SPAG17: variants seen among roughly 807,000 people sequenced by gnomAD.
SPAG17 encodes the protein sperm-associated antigen 17.
In SPAG17, 169 loss-of-function variants were observed where a neutral mutation model predicts 273.6. That is an observed-to-expected ratio of 0.62 (90% confidence interval 0.55 to 0.70). The LOEUF (loss-of-function observed/expected upper bound fraction) is 0.70, where lower values mean the gene tolerates loss of function less well. SPAG17 is among the 30% of genes least tolerant of loss of function. The pLI, the probability that SPAG17 is intolerant of heterozygous loss-of-function variation, is 0.00. For missense variants in SPAG17, 2,557 were observed against 2,627.8 expected (o/e 0.97, Z 0.59); for synonymous variants, 825 against 873.2 (o/e 0.94, Z 0.97).
At chr1:118,007,216 C>A (rs149456396) in intron 31 of SPAG17, among the ~76,000 whole-genome samples, 20 of 151,630 alleles carry the variant, frequency 1.3e-4, no homozygotes, top group African/African-American at 4.4e-4. Context: ...CCAGCACCTT[C>A]CTTGCCCCAT....
At chr1:118,156,929 C>G (rs1570797684) in intron 1 of SPAG17, among the ~76,000 whole-genome samples, 1 of 152,132 alleles carries the variant, frequency 6.6e-6, no homozygotes, top group East Asian at 1.9e-4. Context: ...GTTCCATAAT[C>G]TGGGAGAGGG....
At chr1:118,118,663 G>A (rs572749797) in intron 3 of SPAG17, among the ~76,000 whole-genome samples, 11 of 152,280 alleles carry the variant, frequency 7.2e-5, no homozygotes, top group East Asian at 1.9e-4. Flanking sequence ...TGCCAGGACC[G>A]GAGAGAGGCT....
At chr1:118,055,611 T>A in intron 19 of SPAG17, 122 bp downstream of exon 19, 2 of 759,830 alleles carry the variant, frequency 2.6e-6, no homozygotes, top group Non-Finnish European at 4.2e-6. Context: ...AAGTGAAGAG[T>A]CACAGGAACT....
At chr1:118,012,942 G>A (rs1659624489) in intron 29 of SPAG17, among the ~76,000 whole-genome samples, 1 of 152,192 alleles carries the variant, frequency 6.6e-6, no homozygotes, top group African/African-American at 2.4e-5. Flanking sequence ...CTGTGAGCTT[G>A]AGGGGTATGA....
At chr1:118,184,598 G>T (rs537846930) in intron 1 of SPAG17, among the ~76,000 whole-genome samples, 3 of 152,228 alleles carry the variant, frequency 2.0e-5, no homozygotes, top group African/African-American at 7.2e-5. Context: ...TCTATACAAG[G>T]CTCGCTTGTA....
intron 3 of SPAG17, among the ~76,000 whole-genome samples, chr1:118,132,803 T>C (rs2802664): frequency 0.99 from 147,687 of 149,412 alleles, 73,009 homozygotes; most frequent in East Asian, 1. Context: ...GATGGAATCT[T>C]GCTCTGTTGC....
At chr1:118,000,054 T>C (rs1235595326) in intron 32 of SPAG17, among the ~76,000 whole-genome samples, 1 of 152,228 alleles carries the variant, frequency 6.6e-6, no homozygotes, top group Admixed American at 6.5e-5. Context: ...CTAGCCAGTT[T>C]TCCCAGCATC....
intron 27 of SPAG17, among the ~76,000 whole-genome samples, chr1:118,024,682 G>A (rs868224189): frequency 3.9e-5 from 6 of 151,918 alleles, no homozygotes; most frequent in Non-Finnish European, 7.4e-5. Context: ...AAGGTTTCTC[G>A]TTCCCATCCT....
intron 40 of SPAG17, 48 bp downstream of exon 40, chr1:117,987,786 T>C (rs1571156826): frequency 6.3e-7 from 1 of 1,596,734 alleles, no homozygotes; most frequent in Non-Finnish European, 8.6e-7. Flanking sequence ...CTCAGTCTAT[T>C]ACTCTGGGCC....
At chr1:118,167,075 T>C (rs1660203500) in intron 1 of SPAG17, among the ~76,000 whole-genome samples, 1 of 152,186 alleles carries the variant, frequency 6.6e-6, no homozygotes. Context: ...TTAATTACTT[T>C]ATTGATACAC....
intron 6 of SPAG17, among the ~76,000 whole-genome samples, chr1:118,099,397 C>T (rs1323727512): frequency 6.6e-6 from 1 of 152,138 alleles, no homozygotes; most frequent in Non-Finnish European, 1.5e-5. Flanking sequence ...GGGTATGATA[C>T]AGGGGATATA....
intron 3 of SPAG17, among the ~76,000 whole-genome samples, chr1:118,136,390 A>G (rs1397678736): frequency 1.3e-5 from 2 of 152,330 alleles, no homozygotes; most frequent in East Asian, 3.9e-4. Context: ...GAATGCATGT[A>G]CATCCCCTCA....
In SPAG17 at chr1:117,963,819, GA is replaced by G; in HGVS notation, c.6651del (p.Arg2218ValfsTer65). On this transcript the variant is annotated frameshift_variant, in exon 48 of 49. Transcript: ENST00000336338. LOFTEE classifies it high-confidence loss of function. ...TGTACCTAATGTGGAGAAACTTTAC[GA>G]GACATGAAGACTCCAAGTGTGGAGG... Reference protein sequence around the residue: ...IYSSTLGVFMSRKVSPH With the variant: ...IYSSTLGVFMXRKVSPH The G allele has an allele frequency of 6.2e-7, 1 of 1,612,640 alleles. No homozygotes were observed. The highest frequency in any genetic ancestry group is 8.5e-7 in the Non-Finnish European group (1 of 1,179,246).
At chr1:118,055,709 G>C in intron 19 of SPAG17, 24 bp downstream of exon 19, 5 of 1,532,482 alleles carry the variant, frequency 3.3e-6, no homozygotes, top group Non-Finnish European at 4.5e-6. Flanking sequence ...TTTATTCTAC[G>C]TATAAGTTGA....
chr1:118,123,299 A>G (rs1657525416), intron 3 of SPAG17, among the ~76,000 whole-genome samples: 1 of 152,192 alleles, frequency 6.6e-6, no homozygotes. Flanking sequence ...TTAAGTAATG[A>G]GTAATTTCCA....
At chr1:118,083,477 T>C (rs1353049165) in intron 13 of SPAG17, among the ~76,000 whole-genome samples, 1 of 151,890 alleles carries the variant, frequency 6.6e-6, no homozygotes, top group African/African-American at 2.4e-5. Flanking sequence ...GTGGGATTGA[T>C]TGCAGTGTGT....
chr1:117,994,892 A>G lies in SPAG17; in HGVS notation c.5054-362T>C, dbSNP rs148441745. Among the ~76,000 whole-genome samples, 246 of 152,282 alleles carry G rather than the reference A, an allele frequency of 1.6e-3. 2 individuals carry two copies. Among genetic ancestry groups the G allele is most frequent in the Middle Eastern group, 6.8e-3 (2 of 294 alleles). ...AAAGATCCTGCTCTAGACTACAGCA[A>G]CAACTGGTTTTGCCACCTATATATA... On this transcript the variant is annotated intron_variant, in intron 34 of 48. Transcript: ENST00000336338.
intron 19 of SPAG17, 142 bp downstream of exon 19, chr1:118,055,587 CTATT>C (rs1651578699): frequency 3.1e-6 from 2 of 639,930 alleles, no homozygotes; most frequent in African/African-American, 1.8e-5. Flanking sequence ...TGCAGCTACT[CTATT>C]TACTAGAGAA....
At chr1:117,997,691 T>G (rs1410494801) in intron 32 of SPAG17, among the ~76,000 whole-genome samples, 2 of 152,116 alleles carry the variant, frequency 1.3e-5, no homozygotes, top group Non-Finnish European at 2.9e-5. Context: ...ACATTCTCTG[T>G]TGCAGCTACT....
Sources: allele counts gnomAD v4.1 joint callset (sites outside exome capture counted in the v4.1 genomes callset), GRCh38; gene constraint gnomAD v4.1.1; transcripts MANE v1.5; gene names NCBI Gene and HGNC (gene_info 2026-07-23, HGNC 2026-07-21).